The following ATXN10 variants were observed in gnomAD, a reference collection of about 807,000 sequenced individuals.
The protein encoded by ATXN10 is ataxin-10.
A neutral mutation model predicts 52.9 loss-of-function variants in ATXN10; 28 were observed. The observed-to-expected ratio is 0.53, with a 90% CI of 0.39 to 0.73. The LOEUF is 0.73. Among genes scored for constraint, ATXN10 ranks in the 30% least tolerant of loss-of-function variants. The pLI is 0.00. For missense variants in ATXN10, 565 were observed against 577.0 expected (o/e 0.98, Z 0.21); for synonymous variants, 226 against 221.5 (o/e 1.02, Z -0.18).
At chr22:45,771,766 G>A (rs537638838) in intron 9 of ATXN10, among the ~76,000 whole-genome samples, 1 of 151,976 alleles carries the variant, frequency 6.6e-6, no homozygotes, top group Non-Finnish European at 1.5e-5. Context: ...TTTTGAAATT[G>A]GGTTGTTTTC....
chr22:45,738,813 T>C lies in ATXN10; in HGVS notation c.977T>C (p.Phe326Ser). ...NTELLGYLQV[F>S]PGLLERVIDL... is the part of the protein sequence containing the mutation. ...GAGCTGCTCGGCTATCTGCAGGTTT[T>C]CCCTGGCTTGCTGGAAAGAGTGATT... Residue 326 changes from phenylalanine (F) to serine (S), a missense_variant, in exon 8 of 12, where the codon TTC becomes TCC. Coordinates refer to ENST00000252934, the MANE Select transcript of ATXN10 (RefSeq NM_013236.4). 6.2e-7 allele frequency: 1 copy of C among 1,614,166 alleles called. No individual in the cohort carries two copies. Among genetic ancestry groups the C allele is most frequent in the Non-Finnish European group, 8.5e-7 (1 of 1,179,986 alleles).
intron 4 of ATXN10, 147 bp downstream of exon 4, chr22:45,700,525 G>C (rs762476711): frequency 5.7e-6 from 4 of 696,612 alleles, no homozygotes; most frequent in African/African-American, 1.8e-5. Context: ...GGTACCAGCT[G>C]GGAGAGGGCA....
chr22:45,771,159 G>C (rs1408199700), intron 9 of ATXN10, among the ~76,000 whole-genome samples: 1 of 152,172 alleles, frequency 6.6e-6, no homozygotes, highest in South Asian at 2.1e-4. Context: ...GTTCACAGAA[G>C]CTTTATTTAT....
At chr22:45,813,235 G>T (rs550879002) in intron 10 of ATXN10, among the ~76,000 whole-genome samples, 33 of 151,744 alleles carry the variant, frequency 2.2e-4, no homozygotes, top group Non-Finnish European at 4.0e-4. Context: ...TTTTGTTGTT[G>T]TTGTTTCCAA....
Position 45,843,104 on chromosome 22 carries a change from A to T in ATXN10, c.1351A>T (p.Lys451Ter), listed in dbSNP as rs1427911925. The T allele has an allele frequency of 8.7e-6, 14 of 1,614,062 alleles. No individual in the cohort carries two copies. The highest frequency in any genetic ancestry group is 4.0e-5 in the African/African-American group (3 of 74,922). Residue 451 changes from lysine to a stop codon, truncating the protein, a stop_gained, in exon 11 of 12, where the codon AAA becomes TAA. Coordinates refer to ENST00000252934, the MANE Select transcript of ATXN10 (RefSeq NM_013236.4). LOFTEE classifies it high-confidence loss of function. This position sits in a 1 kb window ranked among gnomAD's most constrained non-coding sequence, Gnocchi z 4.5. The stretch of plus-strand genomic sequence containing the variant: ...GGGGCTGGCAGATGCATCCCTACTT[A>T]AAAAAGTGGGTTTTGAAGTTGAAAA... ...EQGLADASLLKKVGFEVEKKG... is the reference protein window; with the variant it reads ...EQGLADASLL
intron 9 of ATXN10, among the ~76,000 whole-genome samples, chr22:45,747,282 A>G (rs1007403180): frequency 1.5e-4 from 23 of 152,152 alleles, no homozygotes; most frequent in Admixed American, 1.4e-3. Flanking sequence ...GAGGCGGGAG[A>G]TTGTTTGAGC....
chr22:45,823,154 A>G lies in ATXN10; in HGVS notation c.1237+16132A>G, dbSNP rs572254169. On this transcript the variant is annotated intron_variant, in intron 10 of 11. Coordinates refer to ENST00000252934, the MANE Select transcript of ATXN10 (RefSeq NM_013236.4). The surrounding 1 kb of genome is among the most constrained non-coding windows in gnomAD (Gnocchi z 4.9). ...CATCACCCAGATGGAAATACAGAAC[A>G]TGCCCATCTCCCTAGGCGGCTTCTT... 7.0e-5 allele frequency: 33 copies of G among 471,888 alleles called. No individual in the cohort carries two copies. Among genetic ancestry groups the G allele is most frequent in the Admixed American group, 4.2e-4 (18 of 42,596 alleles). 29.2% of individuals were successfully genotyped at this position (471,888 alleles called of 1,614,324 possible).
In ATXN10 at chr22:45,833,303, A is replaced by C. The variant is rs1311954105; in HGVS notation, c.1238-9688A>C. Among the ~76,000 whole-genome samples the C allele has an allele frequency of 2.6e-5, 4 of 152,174 alleles. No homozygotes were observed. The highest frequency in any genetic ancestry group is 4.4e-5 in the Non-Finnish European group (3 of 68,014). On this transcript the variant is annotated intron_variant, in intron 10 of 11. Coordinates refer to ENST00000252934, the MANE Select transcript of ATXN10 (RefSeq NM_013236.4). The surrounding 1 kb of genome is among the most constrained non-coding windows in gnomAD (Gnocchi z 4.3). ...GTCGGGGGAGGTGGGGTGAGGAGGC[A>C]GGTCAGGATGGCCATGGTAACTAAT...
Position 45,757,938 on chromosome 22 carries a change from T to C in ATXN10, c.1173+17400T>C, listed in dbSNP as rs1926233855. On this transcript the variant is annotated intron_variant, in intron 9 of 11. Transcript: ENST00000252934. This position sits in a 1 kb window ranked among gnomAD's most constrained non-coding sequence, Gnocchi z 4.6. ...CTCTGCTGTGGATACTATTTACTTCTTTTGAAATTTGTAAAAGAAGAAAAA... is the reference window on the plus strand; with the variant it reads ...CTCTGCTGTGGATACTATTTACTTCCTTTGAAATTTGTAAAAGAAGAAAAA... 1.3e-5 allele frequency among the ~76,000 whole-genome samples: 2 copies of C among 152,384 alleles called. No individual in the cohort carries two copies. Among genetic ancestry groups the C allele is most frequent in the Admixed American group, 6.5e-5 (1 of 15,308 alleles).
chr22:45,729,374 T>C (rs1924996649), intron 6 of ATXN10, 51 bp from the exon 7 acceptor site: 1 of 1,580,996 alleles, frequency 6.3e-7, no homozygotes, highest in African/African-American at 1.3e-5. Flanking sequence ...TTTTTAGCAT[T>C]GTATAATTTA....
chr22:45,772,176 AG>A lies in ATXN10; in HGVS notation c.1173+31639del, dbSNP rs1161492570. On this transcript the variant is annotated intron_variant, in intron 9 of 11. Coordinates refer to ENST00000252934, the MANE Select transcript of ATXN10 (RefSeq NM_013236.4). The surrounding 1 kb of genome is among the most constrained non-coding windows in gnomAD (Gnocchi z 4.1). Reference sequence around the variant, plus strand: ...TTCAGAATCACAAGAATTTTCTCATAGTTTTTCTTCCTAAAATTTTGTAGTT... The same window carrying A: ...TTCAGAATCACAAGAATTTTCTCATATTTTTCTTCCTAAAATTTTGTAGTT... Among the ~76,000 whole-genome samples, 2 of 152,036 alleles carry A rather than the reference AG, an allele frequency of 1.3e-5. No homozygotes were observed. Among genetic ancestry groups the A allele is most frequent in the Non-Finnish European group, 2.9e-5 (2 of 68,018 alleles).
chr22:45,804,674 T>G (rs1928040146), intron 9 of ATXN10, among the ~76,000 whole-genome samples: 1 of 152,258 alleles, frequency 6.6e-6, no homozygotes, highest in African/African-American at 2.4e-5. Context: ...AACTTTATTT[T>G]ATATTTCATT....
intron 1 of ATXN10, chr22:45,673,064 G>A (rs564821676): frequency 6.6e-6 from 1 of 152,222 alleles, no homozygotes; most frequent in Non-Finnish European, 1.5e-5. Context: ...TACCTCCCTG[G>A]TGATAGTGTC....
intron 1 of ATXN10, chr22:45,672,824 C>A: frequency 6.6e-6 from 1 of 152,522 alleles, no homozygotes; most frequent in Non-Finnish European, 1.5e-5. Context: ...GATTTGGTTC[C>A]TGGCCTTGCA....
chr22:45,802,779 A>G (rs1290347253), intron 9 of ATXN10, among the ~76,000 whole-genome samples: 4 of 152,218 alleles, frequency 2.6e-5, no homozygotes. Context: ...TTTCCTTCAA[A>G]GAACATCTTA....
At position 45,783,994 on chromosome 22, in the gene ATXN10, TGCAGGCC is replaced by T. The variant is rs1927239743; in HGVS notation, c.1174-22963_1174-22957del. 3.3e-4 allele frequency among the ~76,000 whole-genome samples: 51 copies of T among 152,304 alleles called. No homozygotes were observed. The highest frequency in any genetic ancestry group is 3.3e-3 in the Admixed American group (51 of 15,304). ...TACCCGCATTTGTCCCTGACTGCTT[TGCAGGCC>T]GTCCCCTGTCCTACAGCAGGCCAGG... On this transcript the variant is annotated intron_variant, in intron 9 of 11. Transcript: ENST00000252934. This position sits in a 1 kb window ranked among gnomAD's most constrained non-coding sequence, Gnocchi z 5.0.
At position 45,842,499 on chromosome 22, in the gene ATXN10, A is replaced by C. The variant is rs1929377989; in HGVS notation, c.1238-492A>C. 1.3e-5 allele frequency among the ~76,000 whole-genome samples: 2 copies of C among 152,182 alleles called. No homozygotes were observed. The highest frequency in any genetic ancestry group is 6.5e-5 in the Admixed American group (1 of 15,288). On this transcript the variant is annotated intron_variant, in intron 10 of 11. Transcript: ENST00000252934. This position sits in a 1 kb window ranked among gnomAD's most constrained non-coding sequence, Gnocchi z 4.8. ...TCCTAGGAAACAATTCTTATTTCTA[A>C]CTGGGCTCCCATTAAAACAAGATGA... is the stretch of plus-strand genomic sequence containing the variant.
At position 45,772,776 on chromosome 22, in the gene ATXN10, A is replaced by C. The variant is rs1000117105; in HGVS notation, c.1173+32238A>C. On this transcript the variant is annotated intron_variant, in intron 9 of 11. Transcript: ENST00000252934. The surrounding 1 kb of genome is among the most constrained non-coding windows in gnomAD (Gnocchi z 4.1). ...ATGTAGATCCTGTGTATGCTTTGTTAGATTTATTTTTAGCACAGTGGTTGC... is the reference window on the plus strand; with the variant it reads ...ATGTAGATCCTGTGTATGCTTTGTTCGATTTATTTTTAGCACAGTGGTTGC... Among the ~76,000 whole-genome samples the C allele has an allele frequency of 3.3e-5, 5 of 152,160 alleles. No homozygotes were observed. Among genetic ancestry groups the C allele is most frequent in the Non-Finnish European group, 4.4e-5 (3 of 68,024 alleles).
chr22:45,823,321 G>A lies in ATXN10; in HGVS notation c.1237+16299G>A, dbSNP rs1928714873. 3 of 397,972 alleles carry A rather than the reference G, an allele frequency of 7.5e-6. No individual in the cohort carries two copies. Among genetic ancestry groups the A allele is most frequent in the Admixed American group, 6.5e-5 (2 of 30,586 alleles). The allele number at this position is 397,972 out of a possible 1,614,324, so 24.7% of individuals were successfully genotyped here. The stretch of plus-strand genomic sequence containing the variant: ...TATGTTTAGTGATTTTTGTGTCTCT[G>A]AGGTCTGAGGTCATAAAAGTATGCT... On this transcript the variant is annotated intron_variant, in intron 10 of 11. Transcript: ENST00000252934. The surrounding 1 kb of genome is among the most constrained non-coding windows in gnomAD (Gnocchi z 4.9).
Sources: allele counts gnomAD v4.1 joint callset (sites outside exome capture counted in the v4.1 genomes callset), GRCh38; gene constraint gnomAD v4.1.1; non-coding constraint Gnocchi (gnomAD v3.1); transcripts MANE v1.5; gene names NCBI Gene and HGNC (gene_info 2026-07-23, HGNC 2026-07-21).